Variants in FAM184B observed in about 807,000 individuals in gnomAD.
FAM184B encodes family with sequence similarity 184 member B.
FAM184B carries 111 observed loss-of-function variants against 135.9 expected under a neutral mutation model. That is an observed-to-expected ratio of 0.82 (90% CI 0.70 to 0.96). The LOEUF (loss-of-function observed/expected upper bound fraction) is 0.96. FAM184B is among the 40% of genes least tolerant of loss of function. The pLI is 0.00. For synonymous variants in FAM184B, 552 were observed against 524.8 expected, an observed-to-expected ratio of 1.05 and a Z score of -0.71; for missense variants, 1,375 against 1,323.9, an observed-to-expected ratio of 1.04 and a Z score of -0.60.
intron 7 of FAM184B, among the ~76,000 whole-genome samples, chr4:17,678,259 T>C (rs576865533): frequency 6.9e-4 from 105 of 152,274 alleles, no homozygotes; most frequent in African/African-American, 2.3e-3. Flanking sequence ...TATGATCGTA[T>C]ACCTAGAAAA....
At chr4:17,740,612 C>T (rs1366283037) in intron 1 of FAM184B, among the ~76,000 whole-genome samples, 1 of 152,146 alleles carries the variant, frequency 6.6e-6, no homozygotes, top group Non-Finnish European at 1.5e-5. Flanking sequence ...GAGCTGCTGT[C>T]AGGTGGGCCT....
In FAM184B at chr4:17,707,712, C is replaced by T; in HGVS notation, c.967G>A (p.Glu323Lys). 1.9e-6 allele frequency: 3 copies of T among 1,551,870 alleles called. No homozygotes were observed. The highest frequency in any genetic ancestry group is 2.6e-6 in the Non-Finnish European group (3 of 1,147,038). Residue 323 changes from glutamate (E) to lysine (K), a missense_variant, in exon 3 of 18, where the codon GAG becomes AAG. Physicochemically the swap from Glu to Lys is moderately conservative, Grantham distance 56. Transcript: ENST00000265018. Reference sequence around the variant, plus strand: ...CTGTCTTTGGCAACAGCCAGCTTCTCCCCAAGTTTTTTTGCAGTGCCTTTC... The same window carrying T: ...CTGTCTTTGGCAACAGCCAGCTTCTTCCCAAGTTTTTTTGCAGTGCCTTTC... ...ELKGTAKKLG[E>K]KLAVAKDRMM...
In FAM184B at chr4:17,632,544, G is replaced by A. The variant is rs753434243; in HGVS notation, c.3171C>T (p.Tyr1057=). Residue 1057 remains tyrosine, a synonymous_variant, in exon 18 of 18, where the codon TAC becomes TAT. Transcript: ENST00000265018. ...CCCAAAGGTTAGCTTAGAAAGAAAAGTACTTGGTGAACCATTCCTGGTGCG... is the reference window on the plus strand; with the variant it reads ...CCCAAAGGTTAGCTTAGAAAGAAAAATACTTGGTGAACCATTCCTGGTGCG... The part of the protein sequence containing the change: ...GSPHQEWFTK[Y]FSF 10 of 1,550,970 alleles carry A rather than the reference G, an allele frequency of 6.4e-6. No individual in the cohort carries two copies. Among genetic ancestry groups the A allele is most frequent in the Non-Finnish European group, 8.7e-6 (10 of 1,146,458 alleles).
At chr4:17,759,492 TTTTTTTCTTTTTTC>T (rs374135472) in intron 1 of FAM184B, among the ~76,000 whole-genome samples, 2,639 of 152,182 alleles carry the variant, frequency 0.017, 73 homozygotes, top group African/African-American at 0.061. Flanking sequence ...CAGGTATGTC[TTTTTTTCTTTTTTC>T]TTTTTTCTTT....
chr4:17,725,782 A>C (rs1159320907), intron 1 of FAM184B, among the ~76,000 whole-genome samples: 2 of 152,154 alleles, frequency 1.3e-5, no homozygotes, highest in African/African-American at 4.8e-5. Flanking sequence ...TTAAAAAGAA[A>C]GGCCCAGGGG....
intron 1 of FAM184B, among the ~76,000 whole-genome samples, chr4:17,710,531 C>T (rs1447508437): frequency 6.6e-6 from 1 of 152,170 alleles, no homozygotes; most frequent in Non-Finnish European, 1.5e-5. Flanking sequence ...AAGCAAGGCA[C>T]AGAAGGGACT....
At chr4:17,780,195 TC>T (rs975828227) in intron 1 of FAM184B, among the ~76,000 whole-genome samples, 1 of 151,932 alleles carries the variant, frequency 6.6e-6, no homozygotes, top group African/African-American at 2.4e-5. Context: ...ATGTCTGTGA[TC>T]CCACAAAAAA....
intron 1 of FAM184B, among the ~76,000 whole-genome samples, chr4:17,722,984 C>T (rs1717564412): frequency 1.3e-5 from 2 of 152,210 alleles, no homozygotes; most frequent in Admixed American, 6.5e-5. Context: ...AATTCAAACG[C>T]AGACAGAGCA....
intron 1 of FAM184B, among the ~76,000 whole-genome samples, chr4:17,726,038 G>A (rs764011314): frequency 6.6e-5 from 10 of 151,484 alleles, no homozygotes; most frequent in South Asian, 4.2e-4. Flanking sequence ...ATTCTCCTGT[G>A]TCAGCCTCCT....
intron 9 of FAM184B, among the ~76,000 whole-genome samples, chr4:17,659,509 C>A (rs1227083616): frequency 6.6e-6 from 1 of 151,902 alleles, no homozygotes; most frequent in Middle Eastern, 3.2e-3. Flanking sequence ...CTTTTTGAGA[C>A]AGAGTCTTGC....
chr4:17,759,035 G>A (rs536153864), intron 1 of FAM184B, among the ~76,000 whole-genome samples: 2 of 152,268 alleles, frequency 1.3e-5, no homozygotes, highest in South Asian at 2.1e-4. Context: ...GACAGTTTAC[G>A]TCTGATGTTG....
chr4:17,709,691 G>T, intron 1 of FAM184B, 47 bp from the exon 2 acceptor site: 2 of 1,438,972 alleles, frequency 1.4e-6, no homozygotes, highest in Non-Finnish European at 1.8e-6. Context: ...GGGCTGGGGT[G>T]TGGGAGGGCT....
intron 12 of FAM184B, among the ~76,000 whole-genome samples, chr4:17,645,759 G>A (rs1335961491): frequency 6.6e-6 from 1 of 152,030 alleles, no homozygotes; most frequent in Non-Finnish European, 1.5e-5. Flanking sequence ...CTTCTGCACA[G>A]CAAAAGAAAC....
At chr4:17,780,986 G>T (rs1016030093) in intron 1 of FAM184B, among the ~76,000 whole-genome samples, 173 bp downstream of exon 1, 2 of 152,112 alleles carry the variant, frequency 1.3e-5, no homozygotes, top group African/African-American at 4.8e-5. Flanking sequence ...TTAGGATGGT[G>T]CCTCTAGAAG....
chr4:17,646,138 A>G (rs952762907), intron 12 of FAM184B, among the ~76,000 whole-genome samples: 1 of 152,244 alleles, frequency 6.6e-6, no homozygotes, highest in African/African-American at 2.4e-5. Flanking sequence ...GTGGGACTGT[A>G]AACTGGTTCA....
At chr4:17,633,552 G>A (rs933749148) in intron 17 of FAM184B, 137 bp downstream of exon 17, 2 of 771,548 alleles carry the variant, frequency 2.6e-6, no homozygotes, top group African/African-American at 3.6e-5. Flanking sequence ...TCAGGTAAGT[G>A]ATTCAGTGTC....
chr4:17,726,194 G>GA (rs1490114731), intron 1 of FAM184B, among the ~76,000 whole-genome samples: 5 of 152,068 alleles, frequency 3.3e-5, no homozygotes, highest in Admixed American at 3.3e-4. Context: ...AAAGTGCTGG[G>GA]ATTACAGGTG....
At chr4:17,675,800 C>G (rs1716298757) in intron 7 of FAM184B, among the ~76,000 whole-genome samples, 1 of 152,168 alleles carries the variant, frequency 6.6e-6, no homozygotes, top group Non-Finnish European at 1.5e-5. Context: ...CCTCTGCTAG[C>G]TTCCAACTTT....
Position 17,640,316 on chromosome 4 carries a change from CAAAAAAAA to C in FAM184B, c.2520-928_2520-921del, listed in dbSNP as rs376386841. ...TGAAACCTCGTCTCTACTAAAAATA[CAAAAAAAA>C]AAAAAAAAAATTAGCTGGGCATGGT... On this transcript the variant is annotated intron_variant, in intron 13 of 17. Transcript: ENST00000265018. Among the ~76,000 whole-genome samples the C allele has an allele frequency of 1.2e-4, 16 of 133,908 alleles. 1 individual carries two copies. The highest frequency in any genetic ancestry group is 3.9e-3 in the Middle Eastern group (1 of 258). The allele number at this position is 133,908 out of a possible 152,430, so 87.8% of individuals were successfully genotyped here.
Sources: allele counts gnomAD v4.1 joint callset (sites outside exome capture counted in the v4.1 genomes callset), GRCh38; gene constraint gnomAD v4.1.1; transcripts MANE v1.5; gene names NCBI Gene and HGNC (gene_info 2026-07-23, HGNC 2026-07-21).